The following RALYL variants were observed in gnomAD, a reference collection of about 807,000 sequenced individuals.
The protein encoded by RALYL is RNA-binding Raly-like protein.
In RALYL, 29 loss-of-function variants were observed where a neutral mutation model predicts 35.1. That is an observed-to-expected ratio of 0.83 (90% CI 0.61 to 1.13). The LOEUF is 1.13. Among genes scored for constraint, RALYL ranks in the 50% most tolerant of loss-of-function variants. RALYL has a pLI of 0.00. For synonymous variants in RALYL, 120 were observed against 127.6 expected (o/e 0.94, Z 0.40); for missense variants, 359 against 360.4 (o/e 1.00, Z 0.03).
intron 4 of RALYL, among the ~76,000 whole-genome samples, chr8:84,807,831 T>C (rs1387247542): frequency 6.6e-6 from 1 of 152,238 alleles, no homozygotes; most frequent in Non-Finnish European, 1.5e-5. Flanking sequence ...GTACTATCTA[T>C]TCATGTAATT....
chr8:84,601,928 T>C (rs898058785), intron 2 of RALYL, among the ~76,000 whole-genome samples: 18 of 152,164 alleles, frequency 1.2e-4, no homozygotes, highest in Admixed American at 1.0e-3. Flanking sequence ...AATAACTGTC[T>C]GGTTAGTCAC....
intron 2 of RALYL, among the ~76,000 whole-genome samples, chr8:84,642,523 G>A (rs375369125): frequency 6.6e-6 from 1 of 151,928 alleles, no homozygotes; most frequent in East Asian, 1.9e-4. Context: ...AAGATAGAGA[G>A]CTTTAGAAGA....
chr8:84,529,683 A>T, intron 2 of RALYL, 106 bp downstream of exon 2: 1 of 839,444 alleles, frequency 1.2e-6, no homozygotes, highest in Non-Finnish European at 1.8e-6. Flanking sequence ...TTCTTTAACC[A>T]ATTAGAGTGA....
chr8:84,601,757 T>G (rs1413144556), intron 2 of RALYL, among the ~76,000 whole-genome samples: 1 of 152,174 alleles, frequency 6.6e-6, no homozygotes, highest in African/African-American at 2.4e-5. Flanking sequence ...TTTAAGCCAT[T>G]GGAAAATCAG....
intron 2 of RALYL, among the ~76,000 whole-genome samples, chr8:84,617,499 C>A (rs1327775918): frequency 6.7e-6 from 1 of 150,222 alleles, no homozygotes; most frequent in South Asian, 2.1e-4. Flanking sequence ...TGGGCTGAGA[C>A]AATGGGGTTT....
chr8:84,439,785 C>T (rs1241632396), intron 1 of RALYL, among the ~76,000 whole-genome samples: 1 of 151,982 alleles, frequency 6.6e-6, no homozygotes, highest in Non-Finnish European at 1.5e-5. Flanking sequence ...CTTATGGTCA[C>T]AATTAAGAGA....
intron 2 of RALYL, among the ~76,000 whole-genome samples, chr8:84,560,191 G>C (rs780662181): frequency 1.3e-5 from 2 of 151,936 alleles, no homozygotes; most frequent in African/African-American, 2.4e-5. Context: ...TATAAGGAGA[G>C]AGTGTCCAAA....
At chr8:84,442,632 G>T (rs1481373691) in intron 1 of RALYL, among the ~76,000 whole-genome samples, 2 of 152,078 alleles carry the variant, frequency 1.3e-5, no homozygotes, top group Admixed American at 1.3e-4. Context: ...TTGAAGGGTG[G>T]GTAGGAATGC....
At chr8:84,259,293 G>A (rs1247548650) in intron 1 of RALYL, among the ~76,000 whole-genome samples, 1 of 152,142 alleles carries the variant, frequency 6.6e-6, no homozygotes, top group African/African-American at 2.4e-5. Context: ...ATGTTGCATA[G>A]CCTGACCTCT....
intron 1 of RALYL, among the ~76,000 whole-genome samples, chr8:84,276,130 T>C (rs1835325170): frequency 6.6e-6 from 1 of 152,168 alleles, no homozygotes; most frequent in African/African-American, 2.4e-5. Context: ...CCATTGGTAA[T>C]ACATTGTTTT....
chr8:84,542,705 C>A (rs1187514289), intron 2 of RALYL, among the ~76,000 whole-genome samples: 1 of 152,120 alleles, frequency 6.6e-6, no homozygotes, highest in Admixed American at 6.6e-5. Context: ...AAACATCTTT[C>A]CTTTATTAAT....
At chr8:84,439,678 C>T (rs189103389) in intron 1 of RALYL, among the ~76,000 whole-genome samples, 18 of 151,944 alleles carry the variant, frequency 1.2e-4, no homozygotes, top group African/African-American at 4.1e-4. Context: ...TTCTTTTGCT[C>T]ATCATTTCTA....
chr8:84,708,230 A>G (rs1841549423), intron 2 of RALYL, among the ~76,000 whole-genome samples: 1 of 152,104 alleles, frequency 6.6e-6, no homozygotes, highest in Non-Finnish European at 1.5e-5. Context: ...GAACAAAAAT[A>G]CTTATGAGAG....
At chr8:84,675,909 T>G (rs1588933890) in intron 2 of RALYL, among the ~76,000 whole-genome samples, 1 of 152,160 alleles carries the variant, frequency 6.6e-6, no homozygotes, top group East Asian at 1.9e-4. Context: ...GGAAATATAT[T>G]ATTGGTCACC....
At chr8:84,291,022 C>A (rs73304870) in intron 1 of RALYL, among the ~76,000 whole-genome samples, 1 of 151,866 alleles carries the variant, frequency 6.6e-6, no homozygotes, top group Non-Finnish European at 1.5e-5. Context: ...GAATTGATTG[C>A]GTATTCTAAA....
intron 1 of RALYL, among the ~76,000 whole-genome samples, chr8:84,342,679 A>C (rs943104165): frequency 6.6e-6 from 1 of 151,942 alleles, no homozygotes; most frequent in Non-Finnish European, 1.5e-5. Flanking sequence ...AAGGTAATGC[A>C]GATTAATATC....
At chr8:84,632,428 C>T (rs1824114586) in intron 2 of RALYL, among the ~76,000 whole-genome samples, 1 of 151,870 alleles carries the variant, frequency 6.6e-6, no homozygotes, top group East Asian at 1.9e-4. Flanking sequence ...GAAGTCCATT[C>T]TAGAAACTCT....
At chr8:84,914,018 G>T (rs1848016418) in intron 8 of RALYL, among the ~76,000 whole-genome samples, 1 of 151,920 alleles carries the variant, frequency 6.6e-6, no homozygotes, top group Non-Finnish European at 1.5e-5. Flanking sequence ...CTTTCCCCCA[G>T]CTATTCAGAA....
chr8:84,462,663 T>A (rs1357288640), intron 1 of RALYL, among the ~76,000 whole-genome samples: 1 of 151,032 alleles, frequency 6.6e-6, no homozygotes, highest in African/African-American at 2.4e-5. Context: ...GTAAAAGGCT[T>A]CATTTTGTAA....
Sources: allele counts gnomAD v4.1 joint callset (sites outside exome capture counted in the v4.1 genomes callset), GRCh38; gene constraint gnomAD v4.1.1; transcripts MANE v1.5; gene names NCBI Gene and HGNC (gene_info 2026-07-23, HGNC 2026-07-21).